The following COL9A3 variants were observed in gnomAD, a reference collection of about 807,000 sequenced individuals.
COL9A3 encodes collagen type IX alpha 3 chain.
COL9A3 carries 82 observed loss-of-function variants against 110.2 expected under a neutral mutation model. The ratio of observed to expected loss-of-function variants is 0.74; its 90% CI spans 0.62 to 0.89. The LOEUF (loss-of-function observed/expected upper bound fraction) is 0.89, where lower values mean the gene tolerates loss of function less well. Ranked by LOEUF, COL9A3 falls within the 40% of genes least tolerant of loss-of-function variation. The pLI is 0.00. For missense variants in COL9A3, 1,066 were observed against 981.3 expected, an observed-to-expected ratio of 1.09 and a Z score of -1.15; for synonymous variants, 494 against 403.8, an observed-to-expected ratio of 1.22 and a Z score of -2.68.
chr20:62,831,956 G>A (rs1316066137), intron 24 of COL9A3, 198 bp from the exon 25 acceptor site: 2 of 665,890 alleles, frequency 3.0e-6, no homozygotes, highest in Non-Finnish European at 5.5e-6. Flanking sequence ...AGGGGAGGCT[G>A]GACAGAGCCA....
At chr20:62,818,650 C>T (rs767327106) in intron 3 of COL9A3, 97 bp downstream of exon 3, 84 of 1,353,494 alleles carry the variant, frequency 6.2e-5, no homozygotes, top group Non-Finnish European at 8.1e-5. Context: ...CTCATCCTGC[C>T]GGAGCCCGGG....
At chr20:62,817,523 C>A in intron 1 of COL9A3, 44 bp from the exon 2 acceptor site, 3 of 1,396,112 alleles carry the variant, frequency 2.1e-6, no homozygotes, top group Non-Finnish European at 3.0e-6. Context: ...CGGGTCAGGC[C>A]CACGGGGGCA....
intron 1 of COL9A3, 80 bp downstream of exon 1, chr20:62,817,222 C>T (rs1340751328): frequency 6.5e-6 from 7 of 1,077,710 alleles, no homozygotes; most frequent in African/African-American, 3.3e-5. Context: ...CCGGGGTGCC[C>T]GGCGCAGCCT....
chr20:62,840,624 T>G lies in COL9A3; in HGVS notation c.1947T>G (p.Leu649=). 1 of 1,613,122 alleles carries G rather than the reference T, an allele frequency of 6.2e-7. No individual in the cohort carries two copies. Among genetic ancestry groups the G allele is most frequent in the Non-Finnish European group, 8.5e-7 (1 of 1,179,796 alleles). ...GEPGPPGDPG[L]PGAIGAQGTP... is the part of the protein sequence containing the mutation. Reference sequence around the variant, plus strand: ...CTGGGCCTCCCGGAGATCCTGGGCTTCCAGGTGCCATTGGGGCCCAGGGGA... The same window carrying G: ...CTGGGCCTCCCGGAGATCCTGGGCTGCCAGGTGCCATTGGGGCCCAGGGGA... Residue 649 remains leucine, a synonymous_variant, in exon 32 of 32, where the codon CTT becomes CTG. Coordinates refer to ENST00000649368, the MANE Select transcript of COL9A3 (RefSeq NM_001853.4).
chr20:62,829,641 A>T lies in COL9A3; in HGVS notation c.1067A>T (p.Glu356Val). 1 of 1,609,734 alleles carries T rather than the reference A, an allele frequency of 6.2e-7. No homozygotes were observed. The highest frequency in any genetic ancestry group is 1.7e-5 in the Admixed American group (1 of 59,474). The change falls in exon 21 of 32, where the codon GAG becomes GTG. Residue 356 changes from glutamate to valine, a missense_variant. Coordinates refer to ENST00000649368, the MANE Select transcript of COL9A3 (RefSeq NM_001853.4). ...CTTCCTCTACAGGGCAGAGCTGGGG[A>T]GCTGGGTGAGGCCGGCCCCTCTGGA... ...GEKGERGRAG[E>V]LGEAGPSGEP...
rs1210931676 is a variant in COL9A3 at position 62,821,534 on chromosome 20, A to G, written c.369+4A>G. ...CAAAGGCCTCCCTGGACCCCCCGTG[A>G]GTACTGACAACCCTTGGGGCCCTGA... On this transcript the variant is annotated splice_donor_region_variant and intron_variant, in intron 7 of 31. Coordinates refer to ENST00000649368, the MANE Select transcript of COL9A3 (RefSeq NM_001853.4). 11 of 1,612,428 alleles carry G rather than the reference A, an allele frequency of 6.8e-6. No homozygotes were observed. The highest frequency in any genetic ancestry group is 2.2e-5 in the East Asian group (1 of 44,848).
intron 29 of COL9A3, chr20:62,836,757 C>T (rs2063640097): frequency 1.6e-6 from 1 of 625,448 alleles, no homozygotes; most frequent in Non-Finnish European, 2.8e-6. Flanking sequence ...ACCAGATTCC[C>T]AGCACGCAGC....
chr20:62,822,715 C>G (rs2063521416), intron 10 of COL9A3, 83 bp downstream of exon 10: 1 of 1,462,678 alleles, frequency 6.8e-7, no homozygotes, highest in African/African-American at 1.4e-5. Context: ...AGGGGCTTGT[C>G]CATACTGGCA....
intron 16 of COL9A3, 30 bp downstream of exon 16, chr20:62,827,324 T>C: frequency 1.9e-6 from 3 of 1,610,186 alleles, no homozygotes. Flanking sequence ...GTTCCCTGGG[T>C]CCTTATGTGG....
intron 31 of COL9A3, among the ~76,000 whole-genome samples, chr20:62,840,269 C>A (rs1568768463): frequency 2.0e-5 from 3 of 151,314 alleles, no homozygotes; most frequent in Admixed American, 6.6e-5. Context: ...ACAGCCCCCA[C>A]CAAACCCGCG....
intron 5 of COL9A3, 116 bp from the exon 6 acceptor site, chr20:62,821,065 G>T: frequency 9.2e-7 from 1 of 1,086,340 alleles, no homozygotes; most frequent in Non-Finnish European, 1.4e-6. Context: ...TGTGAAGTGG[G>T]GACTTGGACC....
chr20:62,836,645 C>CTT, intron 29 of COL9A3, 113 bp downstream of exon 29: 1 of 1,150,872 alleles, frequency 8.7e-7, no homozygotes, highest in Non-Finnish European at 1.2e-6. Flanking sequence ...AAGTGAGCCC[C>CTT]TAGCACTCAC....
intron 19 of COL9A3, 59 bp downstream of exon 19, chr20:62,829,035 C>T (rs2063575722): frequency 6.5e-7 from 1 of 1,535,970 alleles, no homozygotes; most frequent in Non-Finnish European, 8.8e-7. Context: ...TGCTCAGTGG[C>T]CCATGTTGGG....
At chr20:62,826,455 C>T (rs1319616836) in intron 14 of COL9A3, among the ~76,000 whole-genome samples, 198 bp downstream of exon 14, 1 of 152,212 alleles carries the variant, frequency 6.6e-6, no homozygotes, top group African/African-American at 2.4e-5. Flanking sequence ...ACAGTCGGCG[C>T]TCACTGATGC....
intron 9 of COL9A3, 130 bp from the exon 10 acceptor site, chr20:62,822,461 G>C: frequency 1.0e-6 from 1 of 985,408 alleles, no homozygotes; most frequent in Admixed American, 1.8e-5. Flanking sequence ...TTGGGGGACA[G>C]GATGAAGGGT....
chr20:62,817,861 G>GAC (rs1397820570), intron 2 of COL9A3: 2 of 665,692 alleles, frequency 3.0e-6, no homozygotes, highest in African/African-American at 3.6e-5. Flanking sequence ...CCAGAATGCC[G>GAC]GCACTGAGGT....
At position 62,826,248 on chromosome 20, in the gene COL9A3, T is replaced by A; in HGVS notation, c.729T>A (p.Pro243=). ...LRGLPGPLGP[P]GDRGPIGFRG... ...GACTGCCAGGGCCACTCGGGCCCCC[T>A]GGGGACCGGGTAAGTCCTGCAGCCC... Residue 243 remains proline (P), a synonymous_variant, in exon 14 of 32, where the codon CCT becomes CCA. Transcript: ENST00000649368. 1 of 1,552,860 alleles carries A rather than the reference T, an allele frequency of 6.4e-7. No individual in the cohort carries two copies.
At chr20:62,827,696 C>T (rs905657501) in intron 16 of COL9A3, among the ~76,000 whole-genome samples, 1 of 152,234 alleles carries the variant, frequency 6.6e-6, no homozygotes, top group Non-Finnish European at 1.5e-5. Flanking sequence ...CCTCCCTCGA[C>T]TGAGCCCTGG....
intron 14 of COL9A3, 59 bp from the exon 15 acceptor site, chr20:62,826,706 CTG>C: frequency 1.9e-6 from 3 of 1,592,668 alleles, no homozygotes; most frequent in Non-Finnish European, 2.6e-6. Flanking sequence ...TGAGGGAGCA[CTG>C]GGGGGATGCC....
Sources: allele counts gnomAD v4.1 joint callset (sites outside exome capture counted in the v4.1 genomes callset), GRCh38; gene constraint gnomAD v4.1.1; transcripts MANE v1.5; gene names NCBI Gene and HGNC (gene_info 2026-07-23, HGNC 2026-07-21).